Variants in SLC9C2 observed in about 807,000 individuals in gnomAD.
The protein encoded by SLC9C2 is solute carrier family 9 member C2 (putative).
A neutral mutation model predicts 140.2 loss-of-function variants in SLC9C2; 75 were observed. The ratio of observed to expected loss-of-function variants is 0.53; its 90% CI spans 0.44 to 0.65. The LOEUF (loss-of-function observed/expected upper bound fraction) is 0.65, where lower values mean the gene tolerates loss of function less well. Ranked by LOEUF, SLC9C2 falls within the 30% of genes least tolerant of loss-of-function variation. SLC9C2 has a pLI of 0.00. For synonymous variants in SLC9C2, 375 were observed against 420.9 expected, an observed-to-expected ratio of 0.89 and a Z score of 1.34; for missense variants, 1,074 against 1,331.8, an observed-to-expected ratio of 0.81 and a Z score of 3.01.
At position 173,535,838 on chromosome 1, in the gene SLC9C2, A is replaced by C. The variant is rs1355580983; in HGVS notation, c.1767T>G (p.Ile589Met). The C allele has an allele frequency of 7.9e-6, 12 of 1,510,072 alleles. No homozygotes were observed. The highest frequency in any genetic ancestry group is 1.4e-5 in the African/African-American group (1 of 69,724). 93.5% of individuals were successfully genotyped at this position (1,510,072 alleles called of 1,614,324 possible). Residue 589 changes from isoleucine (I) to methionine (M), a missense_variant, in exon 15 of 28, where the codon ATT becomes ATG. Ile to Met is a conservative substitution (Grantham distance 10). Coordinates refer to ENST00000367714, the MANE Select transcript of SLC9C2 (RefSeq NM_178527.4). ...LEYCIEKIHF[I>M]PPESNTFLTF... ...AGGTTCACAATACTTACTCAGGTGG[A>C]ATAAAATGTATCTTTTCTATACAAT...
At chr1:173,510,333 G>C (rs1659952188) in intron 23 of SLC9C2, among the ~76,000 whole-genome samples, 1 of 152,036 alleles carries the variant, frequency 6.6e-6, no homozygotes, top group South Asian at 2.1e-4. Context: ...TTATTTCATT[G>C]TACTTTAAGT....
chr1:173,503,004 G>T (rs2101878576), intron 27 of SLC9C2, among the ~76,000 whole-genome samples: 1 of 152,226 alleles, frequency 6.6e-6, no homozygotes, highest in African/African-American at 2.4e-5. Flanking sequence ...AAATTCCATA[G>T]ATCCCTACTC....
intron 7 of SLC9C2, among the ~76,000 whole-genome samples, chr1:173,581,238 G>A (rs2102215113): frequency 6.6e-6 from 1 of 152,276 alleles, no homozygotes; most frequent in South Asian, 2.1e-4. Context: ...ACGTCTCTTA[G>A]GGACCGGGCA....
chr1:173,529,961 G>T lies in SLC9C2; in HGVS notation c.2257C>A (p.Gln753Lys). The T allele has an allele frequency of 6.2e-7, 1 of 1,612,782 alleles. No homozygotes were observed. Among genetic ancestry groups the T allele is most frequent in the South Asian group, 1.1e-5 (1 of 90,694 alleles). The change falls in exon 18 of 28, where the codon CAA becomes AAA. Residue 753 changes from glutamine to lysine, a missense_variant. By Grantham distance (53) the Gln-to-Lys change is moderately conservative. Coordinates refer to ENST00000367714, the MANE Select transcript of SLC9C2 (RefSeq NM_178527.4). ...YSITKGYIKSQEDAKLLIKQI... is the reference protein window; with the variant it reads ...YSITKGYIKSKEDAKLLIKQI... Reference sequence around the variant, plus strand: ...TTTATTAGAAGTTTGGCATCTTCTTGACTTTTGATATAGCCTTTTGTAATA... The same window carrying T: ...TTTATTAGAAGTTTGGCATCTTCTTTACTTTTGATATAGCCTTTTGTAATA...
intron 13 of SLC9C2, among the ~76,000 whole-genome samples, chr1:173,543,494 GA>G (rs1389476629): frequency 6.6e-6 from 1 of 152,112 alleles, no homozygotes; most frequent in Non-Finnish European, 1.5e-5. Flanking sequence ...CACAGAATTG[GA>G]AAAAATTACT....
At chr1:173,550,132 T>C (rs1422686555) in intron 11 of SLC9C2, among the ~76,000 whole-genome samples, 2 of 152,168 alleles carry the variant, frequency 1.3e-5, no homozygotes, top group African/African-American at 4.8e-5. Context: ...CCAGGTACAG[T>C]GGCTCACAAC....
At chr1:173,588,096 T>G (rs1665960491) in intron 4 of SLC9C2, among the ~76,000 whole-genome samples, 1 of 152,202 alleles carries the variant, frequency 6.6e-6, no homozygotes, top group Non-Finnish European at 1.5e-5. Context: ...TATGAAAGGT[T>G]CTTAAACAGA....
At chr1:173,581,708 G>C in intron 7 of SLC9C2, 139 bp downstream of exon 7, 1 of 576,708 alleles carries the variant, frequency 1.7e-6, no homozygotes, top group Non-Finnish European at 2.8e-6. Flanking sequence ...AAGAGCTAGA[G>C]GTAAGTAAAA....
chr1:173,502,212 G>T (rs1282141845), intron 27 of SLC9C2, among the ~76,000 whole-genome samples: 1 of 142,980 alleles, frequency 7.0e-6, no homozygotes, highest in African/African-American at 2.7e-5. Flanking sequence ...AGCAAAGGTT[G>T]CAGTGAGTCA....
At chr1:173,518,848 G>T (rs1414488177) in intron 22 of SLC9C2, among the ~76,000 whole-genome samples, 5 of 152,050 alleles carry the variant, frequency 3.3e-5, no homozygotes, top group South Asian at 2.1e-4. Context: ...GAATGCCTCT[G>T]CTTTTTGCAA....
chr1:173,545,530 T>C (rs1295269387), intron 13 of SLC9C2, among the ~76,000 whole-genome samples: 1 of 152,118 alleles, frequency 6.6e-6, no homozygotes. Context: ...CACTGAATAT[T>C]GGGTGTCTGG....
chr1:173,563,220 G>A (rs1274052133), intron 9 of SLC9C2, among the ~76,000 whole-genome samples: 2 of 151,770 alleles, frequency 1.3e-5, no homozygotes, highest in East Asian at 1.9e-4. Context: ...GCTGATGAGG[G>A]GGGCAGGGCC....
intron 4 of SLC9C2, among the ~76,000 whole-genome samples, chr1:173,591,984 G>C (rs1468178456): frequency 1.3e-5 from 2 of 152,070 alleles, no homozygotes; most frequent in East Asian, 3.8e-4. Context: ...ATCTTCCATG[G>C]TTTTTATAGT....
chr1:173,589,597 C>A (rs1275511501), intron 4 of SLC9C2, among the ~76,000 whole-genome samples: 1 of 151,932 alleles, frequency 6.6e-6, no homozygotes, highest in Non-Finnish European at 1.5e-5. Flanking sequence ...AAAAGAATTT[C>A]TAGTGTAAGT....
chr1:173,530,048 C>A lies in SLC9C2; in HGVS notation c.2170G>T (p.Val724Leu), dbSNP rs781466032. The A allele has an allele frequency of 1.3e-6, 2 of 1,590,764 alleles. No homozygotes were observed. The highest frequency in any genetic ancestry group is 1.4e-5 in the African/African-American group (1 of 73,070). Residue 724 changes from valine to leucine, a missense_variant, in exon 18 of 28, where the codon GTA (valine) becomes TTA (leucine). Transcript: ENST00000367714. ...TCTGCAATTCTTATCAGTATTGGTA[C>A]TATTATCTGGAATAATGAGAAGAAG... ...IRFLPLFKII[V>L]PILIRIADVQ...
chr1:173,523,699 A>G (rs1277151687), intron 21 of SLC9C2, among the ~76,000 whole-genome samples: 2 of 152,248 alleles, frequency 1.3e-5, no homozygotes, highest in Non-Finnish European at 2.9e-5. Flanking sequence ...CAAGAAGTCC[A>G]GAACTCTACA....
intron 11 of SLC9C2, among the ~76,000 whole-genome samples, chr1:173,549,696 C>T (rs1247340749): frequency 6.6e-6 from 1 of 152,128 alleles, no homozygotes; most frequent in Non-Finnish European, 1.5e-5. Context: ...TAAATGTGTA[C>T]CACATGGTAT....
intron 21 of SLC9C2, among the ~76,000 whole-genome samples, chr1:173,523,183 C>T (rs755473147): frequency 7.2e-5 from 11 of 152,012 alleles, no homozygotes; most frequent in Non-Finnish European, 1.2e-4. Flanking sequence ...ACCAGCCTGG[C>T]CAACATGATG....
At chr1:173,521,432 GA>G in intron 21 of SLC9C2, 33 bp from the exon 22 acceptor site, 1 of 1,181,894 alleles carries the variant, frequency 8.5e-7, no homozygotes, top group Non-Finnish European at 1.1e-6. Context: ...AAAAGAAAAA[GA>G]GAGTCAACAC....
Sources: allele counts gnomAD v4.1 joint callset (sites outside exome capture counted in the v4.1 genomes callset), GRCh38; gene constraint gnomAD v4.1.1; transcripts MANE v1.5; gene names NCBI Gene and HGNC (gene_info 2026-07-23, HGNC 2026-07-21).